TRAF2: variants seen among roughly 807,000 people sequenced by gnomAD.
TRAF2 encodes TNF receptor-associated factor 2.
A neutral mutation model predicts 55.6 loss-of-function variants in TRAF2; 6 were observed. The ratio of observed to expected loss-of-function variants is 0.11; its 90% CI spans 0.06 to 0.21. The LOEUF (loss-of-function observed/expected upper bound fraction) is 0.21, where lower values mean the gene tolerates loss of function less well. TRAF2 is among the 10% of genes least tolerant of loss of function. The probability of loss-of-function intolerance (pLI) is 1.00; values close to 1 mark genes in which losing one functional copy is unlikely to be tolerated. For missense variants in TRAF2, 561 were observed against 684.5 expected (o/e 0.82, Z 2.01); for synonymous variants, 329 against 276.3 (o/e 1.19, Z -1.89).
In TRAF2 at chr9:136,921,149, A is replaced by G; in HGVS notation, c.1072A>G (p.Ile358Val). The G allele has an allele frequency of 2.5e-6, 4 of 1,614,030 alleles. No homozygotes were observed. Among genetic ancestry groups the G allele is most frequent in the Non-Finnish European group, 3.4e-6 (4 of 1,180,014 alleles). The change falls in exon 9 of 11, where the codon ATC becomes GTC. Residue 358 changes from isoleucine to valine, a missense_variant. Transcript: ENST00000247668. ...CTACGATGGGGTCTTCATCTGGAAG[A>G]TCTCAGACTTCGCCAGGAAGCGCCA... ...STYDGVFIWK[I>V]SDFARKRQEA...
intron 9 of TRAF2, among the ~76,000 whole-genome samples, chr9:136,923,557 G>A (rs539547931): frequency 6.9e-6 from 1 of 143,908 alleles, no homozygotes; most frequent in South Asian, 2.2e-4. Flanking sequence ...GTTGCAGTGA[G>A]CTGAGATTGC....
chr9:136,885,791 A>G (rs1849433137), upstream of TRAF2, among the ~76,000 whole-genome samples: 1 of 152,022 alleles, frequency 6.6e-6, no homozygotes, highest in African/African-American at 2.4e-5. Context: ...AATAAAGTGC[A>G]CAACCCAGTA....
In TRAF2 at chr9:136,920,525, T is replaced by C. The variant is rs1588443888; in HGVS notation, c.960+10T>C. 1 of 1,601,288 alleles carries C rather than the reference T, an allele frequency of 6.2e-7. No homozygotes were observed. Among genetic ancestry groups the C allele is most frequent in the African/African-American group, 1.3e-5 (1 of 74,648 alleles). On this transcript the variant is annotated intron_variant, in intron 8 of 10. Coordinates refer to ENST00000247668, the MANE Select transcript of TRAF2 (RefSeq NM_021138.4). Reference sequence around the variant, plus strand: ...AGCCCTGAGTAGCAAGGTTTGTGCCTGCCGGGTGGCCAGCCATGAGGAGGA... The same window carrying C: ...AGCCCTGAGTAGCAAGGTTTGTGCCCGCCGGGTGGCCAGCCATGAGGAGGA...
chr9:136,904,231 T>G (rs948143062), intron 4 of TRAF2, among the ~76,000 whole-genome samples: 2 of 152,096 alleles, frequency 1.3e-5, no homozygotes, highest in African/African-American at 4.8e-5. Flanking sequence ...AGAAATAGAG[T>G]CTCGCTCTGT....
At chr9:136,916,673 G>GTCCACTC in intron 7 of TRAF2, 58 bp downstream of exon 7, 2 of 1,534,232 alleles carry the variant, frequency 1.3e-6, no homozygotes, top group African/African-American at 2.9e-5. Flanking sequence ...GGTCTTCACT[G>GTCCACTC]CCTCCAGCCC....
intron 4 of TRAF2, 101 bp downstream of exon 4, chr9:136,900,621 C>A (rs143062465): frequency 2.1e-6 from 2 of 933,800 alleles, no homozygotes; most frequent in Admixed American, 2.0e-5. Flanking sequence ...GTTCCTCTCA[C>A]TGGGGCTGAA....
chr9:136,915,140 T>C (rs1281758914), intron 6 of TRAF2, among the ~76,000 whole-genome samples: 1 of 152,090 alleles, frequency 6.6e-6, no homozygotes, highest in Non-Finnish European at 1.5e-5. Flanking sequence ...AATCATGCCA[T>C]TGTACTCCAG....
In TRAF2 at chr9:136,898,872, C is replaced by A. The variant is rs1308658044; in HGVS notation, c.132C>A (p.Pro44=). The A allele has an allele frequency of 6.2e-7, 1 of 1,613,138 alleles. No individual in the cohort carries two copies. The highest frequency in any genetic ancestry group is 1.3e-5 in the African/African-American group (1 of 74,904). The stretch of plus-strand genomic sequence containing the variant: ...CCTGCAGAAACGTCCTCCGCAGGCC[C>A]TTCCAGGCGCAGTGTGGCCACCGGT... The part of the protein sequence containing the change: ...CSACRNVLRR[P]FQAQCGHRYC... The change falls in exon 2 of 11, where the codon CCC becomes CCA. Residue 44 remains proline, a synonymous_variant. Coordinates refer to ENST00000247668, the MANE Select transcript of TRAF2 (RefSeq NM_021138.4).
intron 9 of TRAF2, among the ~76,000 whole-genome samples, chr9:136,921,725 G>T (rs1850390236): frequency 6.6e-6 from 1 of 151,880 alleles, no homozygotes; most frequent in Non-Finnish European, 1.5e-5. Context: ...CAACTATGGG[G>T]TCTCTTGAGA....
intron 4 of TRAF2, among the ~76,000 whole-genome samples, chr9:136,904,536 G>A (rs1171878666): frequency 6.6e-6 from 1 of 152,094 alleles, no homozygotes; most frequent in African/African-American, 2.4e-5. Flanking sequence ...CTCCCGAGTA[G>A]CTAGGACTAC....
chr9:136,893,224 G>A (rs1017894536), intron 1 of TRAF2, among the ~76,000 whole-genome samples: 10 of 152,220 alleles, frequency 6.6e-5, no homozygotes, highest in African/African-American at 2.2e-4. Flanking sequence ...GGGACCTTGA[G>A]CACTGGGCAG....
chr9:136,912,195 C>G (rs1444211068), intron 6 of TRAF2, among the ~76,000 whole-genome samples: 1 of 111,588 alleles, frequency 9.0e-6, no homozygotes, highest in East Asian at 3.0e-4. Flanking sequence ...CAGAGTCTCA[C>G]TCTGTCGTCA....
At chr9:136,896,924 C>G (rs1306831814) in intron 1 of TRAF2, among the ~76,000 whole-genome samples, 1 of 152,110 alleles carries the variant, frequency 6.6e-6, no homozygotes, top group Non-Finnish European at 1.5e-5. Flanking sequence ...AGACAGACCT[C>G]GAGGAAATGC....
intron 10 of TRAF2, among the ~76,000 whole-genome samples, chr9:136,924,791 G>A (rs969220859): frequency 6.6e-6 from 1 of 152,068 alleles, no homozygotes; most frequent in Non-Finnish European, 1.5e-5. Flanking sequence ...CCAGGCTGGA[G>A]TGCAGTGGCA....
At chr9:136,925,543 T>G in intron 10 of TRAF2, 140 bp from the exon 11 acceptor site, 1 of 810,476 alleles carries the variant, frequency 1.2e-6, no homozygotes, top group Non-Finnish European at 1.9e-6. Context: ...GCCCACCACG[T>G]GGTCTCGGCT....
At position 136,894,402 on chromosome 9, in the gene TRAF2, T is replaced by G. The variant is rs543826741; in HGVS notation, c.-28-4311T>G. On this transcript the variant is annotated intron_variant, in intron 1 of 10. Transcript: ENST00000247668. ...AACTTTCCTTCCACTTTTTGAGATC[T>G]GGGGACATTACATGGGAGTTGGAGG... Among the ~76,000 whole-genome samples, 51 of 152,234 alleles carry G rather than the reference T, an allele frequency of 3.4e-4. 1 individual carries two copies. The South Asian group carries it at 0.011, about 32-fold the overall frequency.
rs1850374752 is a variant in TRAF2, at chr9:136,921,141, T to C, written c.1064T>C (p.Ile355Thr). ...GCATCCACCTACGATGGGGTCTTCA[T>C]CTGGAAGATCTCAGACTTCGCCAGG... Reference protein sequence around the residue: ...MEASTYDGVFIWKISDFARKR... With the variant: ...MEASTYDGVFTWKISDFARKR... Residue 355 changes from isoleucine (I) to threonine (T), a missense_variant, in exon 9 of 11, where the codon ATC becomes ACC. Ile to Thr is a moderately conservative substitution (Grantham distance 89). Coordinates refer to ENST00000247668, the MANE Select transcript of TRAF2 (RefSeq NM_021138.4). 1 of 1,614,064 alleles carries C rather than the reference T, an allele frequency of 6.2e-7. No homozygotes were observed. Among genetic ancestry groups the C allele is most frequent in the Middle Eastern group, 1.6e-4 (1 of 6,062 alleles).
intron 4 of TRAF2, among the ~76,000 whole-genome samples, chr9:136,901,665 A>G (rs1292741988): frequency 6.6e-6 from 1 of 152,320 alleles, no homozygotes; most frequent in East Asian, 1.9e-4. Flanking sequence ...CATCCAATCC[A>G]GCCCCAGGTT....
chr9:136,902,724 G>A (rs910711006), intron 4 of TRAF2, among the ~76,000 whole-genome samples: 1 of 152,142 alleles, frequency 6.6e-6, no homozygotes, highest in African/African-American at 2.4e-5. Flanking sequence ...GTCACACATG[G>A]GGACGGAAAT....
Sources: allele counts gnomAD v4.1 joint callset (sites outside exome capture counted in the v4.1 genomes callset), GRCh38; gene constraint gnomAD v4.1.1; transcripts MANE v1.5; gene names NCBI Gene and HGNC (gene_info 2026-07-23, HGNC 2026-07-21).